Variants in IL1RAPL2 observed in about 807,000 individuals in gnomAD.
The protein encoded by IL1RAPL2 is X-linked interleukin-1 receptor accessory protein-like 2.
Under a neutral mutation model 44.1 loss-of-function variants are expected in IL1RAPL2, and 3 were observed. The observed-to-expected ratio is 0.07, with a 90% CI of 0.03 to 0.18. The LOEUF is 0.18. IL1RAPL2 is among the 10% of genes least tolerant of loss of function. IL1RAPL2 has a pLI of 1.00. For missense variants in IL1RAPL2, 391 were observed against 496.4 expected (o/e 0.79, Z 2.02); for synonymous variants, 181 against 178.8 (o/e 1.01, Z -0.10).
At chrX:105,293,610 T>C (rs925981304) in intron 5 of IL1RAPL2, among the ~76,000 whole-genome samples, 2 of 112,342 alleles carry the variant, frequency 1.8e-5, no homozygotes, top group African/African-American at 6.5e-5. Flanking sequence ...GTTTATCTTA[T>C]TATGATTGGT....
At chrX:104,630,368 C>T (rs761259189) in intron 1 of IL1RAPL2, among the ~76,000 whole-genome samples, 3 of 110,803 alleles carry the variant, frequency 2.7e-5, no homozygotes, top group South Asian at 3.8e-4. Flanking sequence ...AAGCTGCTCT[C>T]GAACTCCTGA....
chrX:105,408,284 A>G (rs2035664809), intron 5 of IL1RAPL2, among the ~76,000 whole-genome samples: 1 of 111,473 alleles, frequency 9.0e-6, no homozygotes, highest in South Asian at 3.8e-4. Flanking sequence ...TTCTTGAGTC[A>G]TTATCTCTCT....
At chrX:105,377,769 C>T (rs2035399215) in intron 5 of IL1RAPL2, among the ~76,000 whole-genome samples, 2 of 111,041 alleles carry the variant, frequency 1.8e-5, no homozygotes, top group South Asian at 7.6e-4. Flanking sequence ...TACTTAGGTA[C>T]TCATTATAAA....
intron 2 of IL1RAPL2, among the ~76,000 whole-genome samples, chrX:105,102,777 A>G (rs188023086): frequency 2.7e-5 from 3 of 112,050 alleles, no homozygotes; most frequent in Non-Finnish European, 5.6e-5. Context: ...CAATAACCCA[A>G]AATGAAAGCT....
At chrX:104,927,452 TA>T (rs1924799508) in intron 2 of IL1RAPL2, among the ~76,000 whole-genome samples, 1 of 111,905 alleles carries the variant, frequency 8.9e-6, no homozygotes, top group Non-Finnish European at 1.9e-5. Context: ...CATTGTCCAG[TA>T]TTTCATATGC....
chrX:105,207,904 A>T (rs1243726555), intron 3 of IL1RAPL2, among the ~76,000 whole-genome samples: 2 of 112,536 alleles, frequency 1.8e-5, no homozygotes, highest in Non-Finnish European at 3.7e-5. Flanking sequence ...ACATGAGGGA[A>T]AGTGATACGT....
rs777381854 is a variant in IL1RAPL2, at chrX:104,664,788, C to T, written c.82+5793C>T. On this transcript the variant is annotated intron_variant, in intron 2 of 10. Transcript: ENST00000372582. ...AATTCAAATCCAGCATCACAGGGCT[C>T]TTCCTTACCTTTCTCCATTCCATAT... Among the ~76,000 whole-genome samples the T allele has an allele frequency of 1.6e-4, 18 of 111,434 alleles. No homozygotes were observed. In the South Asian group the frequency reaches 6.1e-3, roughly 38 times the overall value.
chrX:105,114,700 C>T (rs1265723738), intron 2 of IL1RAPL2, among the ~76,000 whole-genome samples: 2 of 111,689 alleles, frequency 1.8e-5, no homozygotes, highest in Non-Finnish European at 3.8e-5. Context: ...ACAGGTTCTC[C>T]AAAAGAGAGA....
intron 2 of IL1RAPL2, among the ~76,000 whole-genome samples, chrX:105,083,784 C>T (rs1354035727): frequency 8.9e-6 from 1 of 111,991 alleles, no homozygotes; most frequent in African/African-American, 3.2e-5. Context: ...TTGTCCCCAC[C>T]AGGCCTGCCT....
intron 1 of IL1RAPL2, among the ~76,000 whole-genome samples, chrX:104,580,685 C>G (rs774721037): frequency 1.4e-4 from 16 of 112,110 alleles, no homozygotes; most frequent in Non-Finnish European, 3.0e-4. Context: ...ATAAAAGGTA[C>G]TGAGGGAGAG....
chrX:104,610,280 AG>A (rs1929122010), intron 1 of IL1RAPL2, among the ~76,000 whole-genome samples: 2 of 110,730 alleles, frequency 1.8e-5, no homozygotes, highest in Admixed American at 1.9e-4. Flanking sequence ...AGTTCTGGCC[AG>A]GGTAATCAGG....
At chrX:104,995,420 G>A (rs1481273107) in intron 2 of IL1RAPL2, among the ~76,000 whole-genome samples, 1 of 111,641 alleles carries the variant, frequency 9.0e-6, no homozygotes, top group African/African-American at 3.2e-5. Context: ...ATCCAAGTGA[G>A]AGCAGAATCT....
In IL1RAPL2 at chrX:105,706,326, A is replaced by G. The variant is rs886523525; in HGVS notation, c.773-11041A>G. ...GATACACATTAATTTTCAAAGAAAAAAATGCACATTACATGGTAAAGAATG... is the reference window on the plus strand; with the variant it reads ...GATACACATTAATTTTCAAAGAAAAGAATGCACATTACATGGTAAAGAATG... On this transcript the variant is annotated intron_variant, in intron 6 of 10. Transcript: ENST00000372582. Among the ~76,000 whole-genome samples, 7 of 112,232 alleles carry G rather than the reference A, an allele frequency of 6.2e-5. No homozygotes were observed. The Admixed American group carries it at 6.6e-4, about 11-fold the overall frequency.
At chrX:104,842,302 A>C (rs1374158007) in intron 2 of IL1RAPL2, among the ~76,000 whole-genome samples, 1 of 110,388 alleles carries the variant, frequency 9.1e-6, no homozygotes, top group Admixed American at 9.8e-5. Context: ...CTTTTTATGA[A>C]GGTTCTTAGC....
At chrX:105,130,691 T>A (rs1208659835) in intron 2 of IL1RAPL2, among the ~76,000 whole-genome samples, 1 of 111,295 alleles carries the variant, frequency 9.0e-6, no homozygotes, top group Non-Finnish European at 1.9e-5. Flanking sequence ...CAGACACAAA[T>A]CTTTTCTGTC....
chrX:105,012,598 T>TTCTCTCTCTCTCTCTC (rs1174323282), intron 2 of IL1RAPL2, among the ~76,000 whole-genome samples: 12 of 51,726 alleles, frequency 2.3e-4, no homozygotes, highest in Non-Finnish European at 2.9e-4. Context: ...AACTTTCTCT[T>TTCTCTCTCTCTCTCTC]TCTCTCTCTC....
At chrX:105,073,035 CT>C (rs201850028) in intron 2 of IL1RAPL2, among the ~76,000 whole-genome samples, 2 of 104,580 alleles carry the variant, frequency 1.9e-5, no homozygotes, top group Non-Finnish European at 3.9e-5. Context: ...GCCACATTTT[CT>C]TTTTTTTTCT....
At chrX:105,316,246 C>T (rs1033757470) in intron 5 of IL1RAPL2, among the ~76,000 whole-genome samples, 40 of 110,933 alleles carry the variant, frequency 3.6e-4, no homozygotes, top group African/African-American at 1.2e-3. Context: ...TGAACTCCAG[C>T]CTGGGTGACA....
At chrX:105,204,101 T>C (rs1034914669) in intron 3 of IL1RAPL2, among the ~76,000 whole-genome samples, 3 of 110,981 alleles carry the variant, frequency 2.7e-5, no homozygotes, top group Non-Finnish European at 5.7e-5. Context: ...CTGCAGCAGG[T>C]TTTATCTGTA....
Sources: gnomAD v4.1 joint callset for allele counts (sites outside exome capture counted in the v4.1 genomes callset) on GRCh38, gnomAD v4.1.1 for gene constraint, MANE v1.5 for transcripts, NCBI Gene and HGNC (gene_info 2026-07-23, HGNC 2026-07-21) for gene names.